GALNT17: variants seen among roughly 807,000 people sequenced by gnomAD.
GALNT17 encodes UDP-GalNAc:polypeptide N-acetylgalactosaminyltransferase-like 3.
A neutral mutation model predicts 63.7 loss-of-function variants in GALNT17; 29 were observed. The observed-to-expected ratio is 0.46, with a 90% CI of 0.34 to 0.62. GALNT17 has a LOEUF of 0.62. Ranked by LOEUF, GALNT17 falls within the 20% of genes least tolerant of loss-of-function variation. GALNT17 has a pLI of 0.01. For synonymous variants in GALNT17, 305 were observed against 318.3 expected (o/e 0.96, Z 0.45); for missense variants, 603 against 799.6 (o/e 0.75, Z 2.97).
chr7:71,494,250 G>A (rs1788057735), intron 5 of GALNT17, among the ~76,000 whole-genome samples: 1 of 151,940 alleles, frequency 6.6e-6, no homozygotes, highest in Non-Finnish European at 1.5e-5. Flanking sequence ...AACTGCATAG[G>A]GGAAATCACC....
rs1786650873 is a variant in GALNT17 at position 71,420,895 on chromosome 7, C to G, written c.765-13C>G. ...GAGAAGAGAGGTTTCATGTCTATTTCTCTATGTTTCAGGGCTGAGCCGGTT... is the reference window on the plus strand; with the variant it reads ...GAGAAGAGAGGTTTCATGTCTATTTGTCTATGTTTCAGGGCTGAGCCGGTT... On this transcript the variant is annotated splice_polypyrimidine_tract_variant and intron_variant, in intron 4 of 10. Coordinates refer to ENST00000333538, the MANE Select transcript of GALNT17 (RefSeq NM_022479.3). The G allele has an allele frequency of 6.4e-7, 1 of 1,559,850 alleles. No individual in the cohort carries two copies. The highest frequency in any genetic ancestry group is 1.4e-5 in the African/African-American group (1 of 69,724).
chr7:71,659,167 A>G lies in GALNT17; in HGVS notation c.1081-6244A>G, dbSNP rs11769216. 2.6e-5 allele frequency among the ~76,000 whole-genome samples: 4 copies of G among 152,112 alleles called. No homozygotes were observed. The South Asian group carries it at 8.3e-4, about 32-fold the overall frequency. On this transcript the variant is annotated intron_variant, in intron 6 of 10. Transcript: ENST00000333538. ...GCCTACCTCTCCAATATTTTCCACTATTCTCCTCTCTTCCAGCCCTACTTT... is the reference window on the plus strand; with the variant it reads ...GCCTACCTCTCCAATATTTTCCACTGTTCTCCTCTCTTCCAGCCCTACTTT...
At chr7:71,413,681 C>T (rs900364195) in intron 3 of GALNT17, among the ~76,000 whole-genome samples, 7 of 151,956 alleles carry the variant, frequency 4.6e-5, no homozygotes, top group Admixed American at 3.3e-4. Flanking sequence ...CTCCTTAACT[C>T]GATTGTAAGC....
chr7:71,691,283 A>G (rs1791439497), intron 9 of GALNT17, among the ~76,000 whole-genome samples: 1 of 152,220 alleles, frequency 6.6e-6, no homozygotes, highest in South Asian at 2.1e-4. Context: ...GATGATCACT[A>G]GTATTTTTAG....
chr7:71,408,279 G>A (rs991383618), intron 3 of GALNT17, among the ~76,000 whole-genome samples: 15 of 152,232 alleles, frequency 9.9e-5, no homozygotes, highest in African/African-American at 2.6e-4. Flanking sequence ...TAATTGGAAC[G>A]TGCCATATGT....
chr7:71,388,331 C>T lies in GALNT17; in HGVS notation c.519C>T (p.His173=), dbSNP rs1174543562. The T allele has an allele frequency of 2.5e-6, 4 of 1,613,944 alleles. No individual in the cohort carries two copies. The African/African-American group carries it at 5.3e-5, about 22-fold the overall frequency. ...EALSVILRSV[H]SAVNHTPTHL... Reference sequence around the variant, plus strand: ...TGTCGGTGATCCTGCGGTCCGTGCACAGTGCCGTCAATCACACGCCCACAC... The same window carrying T: ...TGTCGGTGATCCTGCGGTCCGTGCATAGTGCCGTCAATCACACGCCCACAC... The change falls in exon 3 of 11, where the codon CAC becomes CAT. Residue 173 remains histidine, a synonymous_variant. Transcript: ENST00000333538.
intron 2 of GALNT17, among the ~76,000 whole-genome samples, chr7:71,337,504 T>G (rs1296510308): frequency 6.6e-6 from 1 of 152,192 alleles, no homozygotes; most frequent in Non-Finnish European, 1.5e-5. Flanking sequence ...GGTACTAGCA[T>G]GTAAAAAATG....
At chr7:71,506,033 T>C (rs565158591) in intron 5 of GALNT17, among the ~76,000 whole-genome samples, 227 of 152,342 alleles carry the variant, frequency 1.5e-3, no homozygotes, top group Non-Finnish European at 2.5e-3. Flanking sequence ...AGTATTTCTT[T>C]GATACACAAG....
chr7:71,419,480 C>G (rs1411085927), intron 4 of GALNT17, among the ~76,000 whole-genome samples: 1 of 152,198 alleles, frequency 6.6e-6, no homozygotes, highest in Non-Finnish European at 1.5e-5. Flanking sequence ...ATCATTAGCT[C>G]ATAAGGAAAA....
chr7:71,338,707 C>T (rs1791956414), intron 2 of GALNT17, among the ~76,000 whole-genome samples: 1 of 152,172 alleles, frequency 6.6e-6, no homozygotes, highest in Non-Finnish European at 1.5e-5. Flanking sequence ...ACAGATTCTC[C>T]ATTTTCTATT....
chr7:71,217,103 A>G (rs1275522699), intron 1 of GALNT17, among the ~76,000 whole-genome samples: 3 of 142,096 alleles, frequency 2.1e-5, no homozygotes, highest in Admixed American at 1.4e-4. Context: ...AGCTGGGACT[A>G]TGGGCGTATG....
chr7:71,634,593 A>C (rs1362980348), intron 6 of GALNT17, among the ~76,000 whole-genome samples: 1 of 151,866 alleles, frequency 6.6e-6, no homozygotes, highest in African/African-American at 2.4e-5. Flanking sequence ...GTCTCTATTA[A>C]AAATACAGAA....
At chr7:71,298,620 C>T (rs1791127421) in intron 1 of GALNT17, among the ~76,000 whole-genome samples, 1 of 151,634 alleles carries the variant, frequency 6.6e-6, no homozygotes, top group Non-Finnish European at 1.5e-5. Flanking sequence ...GGTGGCTGGG[C>T]TTTTCTATTT....
chr7:71,383,448 ATTGT>A (rs1792882010), intron 2 of GALNT17, among the ~76,000 whole-genome samples: 2 of 152,100 alleles, frequency 1.3e-5, no homozygotes, highest in African/African-American at 4.8e-5. Context: ...CATTATTATT[ATTGT>A]TATTGAGACT....
intron 1 of GALNT17, among the ~76,000 whole-genome samples, chr7:71,187,068 T>G (rs1788863336): frequency 6.6e-6 from 1 of 152,166 alleles, no homozygotes; most frequent in Non-Finnish European, 1.5e-5. Context: ...GAGAAGGCAC[T>G]CAAACTGCAA....
chr7:71,181,417 T>A, intron 1 of GALNT17, among the ~76,000 whole-genome samples: 1 of 152,162 alleles, frequency 6.6e-6, no homozygotes, highest in East Asian at 1.9e-4. Flanking sequence ...AAGGGTAACC[T>A]TTCTTTTCAT....
At position 71,606,419 on chromosome 7, in the gene GALNT17, A is replaced by G. The variant is rs540069188; in HGVS notation, c.1080+35017A>G. Reference sequence around the variant, plus strand: ...GTAAAGGAGGCTCTATAACTCTTGGAGTGACACCTTTTTGTGAAACTGTCC... The same window carrying G: ...GTAAAGGAGGCTCTATAACTCTTGGGGTGACACCTTTTTGTGAAACTGTCC... On this transcript the variant is annotated intron_variant, in intron 6 of 10. Coordinates refer to ENST00000333538, the MANE Select transcript of GALNT17 (RefSeq NM_022479.3). 3.3e-5 allele frequency among the ~76,000 whole-genome samples: 5 copies of G among 152,290 alleles called. No homozygotes were observed. In the East Asian group the frequency reaches 9.7e-4, roughly 29 times the overall value.
At chr7:71,564,592 G>A (rs1290523637) in intron 5 of GALNT17, among the ~76,000 whole-genome samples, 1 of 109,266 alleles carries the variant, frequency 9.2e-6, no homozygotes, top group East Asian at 2.1e-4. Flanking sequence ...AGCCAGTTAG[G>A]ACAATTTTCC....
intron 1 of GALNT17, among the ~76,000 whole-genome samples, chr7:71,285,307 C>T (rs1380977903): frequency 6.6e-6 from 1 of 152,098 alleles, no homozygotes; most frequent in Non-Finnish European, 1.5e-5. Context: ...TTCCTTCTTC[C>T]AGTATGGTTG....
Sources: gnomAD v4.1 joint callset for allele counts (sites outside exome capture counted in the v4.1 genomes callset) on GRCh38, gnomAD v4.1.1 for gene constraint, MANE v1.5 for transcripts, NCBI Gene and HGNC (gene_info 2026-07-23, HGNC 2026-07-21) for gene names.